The following ZBTB11 variants were observed in gnomAD, a reference collection of about 807,000 sequenced individuals.
ZBTB11 encodes zinc finger and BTB domain-containing protein 11.
A neutral mutation model predicts 113.1 loss-of-function variants in ZBTB11; 68 were observed. That is an observed-to-expected ratio of 0.60 (90% CI 0.49 to 0.74). ZBTB11 has a LOEUF of 0.74. Ranked by LOEUF, ZBTB11 falls within the 30% of genes least tolerant of loss-of-function variation. The pLI is 0.00. For missense variants in ZBTB11, 1,104 were observed against 1,279.4 expected, an observed-to-expected ratio of 0.86 and a Z score of 2.09; for synonymous variants, 518 against 452.6, an observed-to-expected ratio of 1.14 and a Z score of -1.83.
chr3:101,673,926 A>G (rs958660046), intron 1 of ZBTB11, among the ~76,000 whole-genome samples: 1 of 152,192 alleles, frequency 6.6e-6, no homozygotes, highest in Non-Finnish European at 1.5e-5. Context: ...AAATTCAGAA[A>G]AATTTTAGCT....
intron 5 of ZBTB11, chr3:101,662,155 C>T (rs576232181): frequency 2.0e-5 from 3 of 151,984 alleles, no homozygotes; most frequent in East Asian, 1.9e-4. Flanking sequence ...TAACTAACTT[C>T]GGGCCAGCCA....
chr3:101,666,335 A>G (rs1366810916), intron 3 of ZBTB11, among the ~76,000 whole-genome samples: 1 of 152,250 alleles, frequency 6.6e-6, no homozygotes. Flanking sequence ...GAGTAAGATA[A>G]TAAACATTGC....
chr3:101,676,834 G>T lies in ZBTB11; in HGVS notation c.81C>A (p.Gly27=). 1 of 1,612,132 alleles carries T rather than the reference G, an allele frequency of 6.2e-7. No individual in the cohort carries two copies. The change falls in exon 1 of 11, where the codon GGC becomes GGA. Residue 27 remains glycine, a synonymous_variant. Coordinates refer to ENST00000312938, the MANE Select transcript of ZBTB11 (RefSeq NM_014415.4). ...EREPYAPGTE[G]NVKRKIRKAA... is the part of the protein sequence containing the mutation. ...CTTTTCGGATTTTACGCTTGACATT[G>T]CCCTCGGTGCCCGGCGCATACGGCT...
chr3:101,660,041 T>C lies in ZBTB11; in HGVS notation c.1801-13A>G, dbSNP rs755747557. 3 of 1,603,920 alleles carry C rather than the reference T, an allele frequency of 1.9e-6. No homozygotes were observed. Among genetic ancestry groups the C allele is most frequent in the Non-Finnish European group, 2.6e-6 (3 of 1,173,212 alleles). The stretch of plus-strand genomic sequence containing the variant: ...GTTTTTTACACAACTAAAAGAAAAA[T>C]AAAATTCTCTCTAAATGTATTTCCA... On this transcript the variant is annotated splice_polypyrimidine_tract_variant and intron_variant, in intron 5 of 10. Coordinates refer to ENST00000312938, the MANE Select transcript of ZBTB11 (RefSeq NM_014415.4).
In ZBTB11 at chr3:101,659,784, T is replaced by C. The variant is rs748064067; in HGVS notation, c.2045A>G (p.Gln682Arg). 6.2e-7 allele frequency: 1 copy of C among 1,613,934 alleles called. No homozygotes were observed. Among genetic ancestry groups the C allele is most frequent in the South Asian group, 1.1e-5 (1 of 91,078 alleles). ...KHTGVKPHAC[Q>R]VCGKTFIYKH... The stretch of plus-strand genomic sequence containing the variant: ...GCAAAATAAACGTTATAGCTTTACC[T>C]GGCATGCATGTGGCTTTACACCTGT... The change falls in exon 6 of 11, where the codon CAG (glutamine) becomes CGG (arginine). Residue 682 changes from glutamine (Q) to arginine (R), a missense_variant and splice_region_variant. By Grantham distance (43) the Gln-to-Arg change is conservative. Around this residue, in one of 5 missense-constraint regions of ZBTB11, gnomAD observed 535 missense variants for 518.6 expected, o/e 1.03. Transcript: ENST00000312938.
chr3:101,658,344 G>T (rs995822379), intron 6 of ZBTB11, among the ~76,000 whole-genome samples: 3 of 151,120 alleles, frequency 2.0e-5, no homozygotes, highest in African/African-American at 7.3e-5. Context: ...TCCTGCCTCA[G>T]CCTCCCAAGT....
rs764338540 is a variant in ZBTB11 at position 101,676,618 on chromosome 3, C to G, written c.297G>C (p.Thr99=). 6.6e-7 allele frequency: 1 copy of G among 1,510,662 alleles called. No homozygotes were observed. Among genetic ancestry groups the G allele is most frequent in the South Asian group, 1.3e-5 (1 of 76,490 alleles). 93.6% of individuals were successfully genotyped at this position (1,510,662 alleles called of 1,614,324 possible). Residue 99 remains threonine, a synonymous_variant, in exon 1 of 11, where the codon ACG becomes ACC. Transcript: ENST00000312938. ...RHQTWHYLSK[T]YWWRGILKQV... ...GCTAGGTCTCACCTCGCCACCAGTA[C>G]GTCTTGGACAAGTAGTGCCAGGTCT...
chr3:101,666,633 A>C (rs1937001110), intron 3 of ZBTB11, among the ~76,000 whole-genome samples: 1 of 152,262 alleles, frequency 6.6e-6, no homozygotes, highest in Non-Finnish European at 1.5e-5. Context: ...TATTCACATG[A>C]ATCAAAAATC....
At chr3:101,655,978 A>T (rs1293434496) in intron 7 of ZBTB11, 126 bp downstream of exon 7, 32 of 846,516 alleles carry the variant, frequency 3.8e-5, no homozygotes, top group Non-Finnish European at 5.2e-5. Context: ...TTAATTTAAA[A>T]TACTGTCTCA....
At chr3:101,660,386 T>C (rs1936868015) in intron 5 of ZBTB11, among the ~76,000 whole-genome samples, 1 of 152,236 alleles carries the variant, frequency 6.6e-6, no homozygotes, top group South Asian at 2.1e-4. Flanking sequence ...TTGATGGTCC[T>C]TGGATTTTAT....
At chr3:101,653,228 C>CCTCT (rs763519551) in intron 8 of ZBTB11, among the ~76,000 whole-genome samples, 86 of 152,236 alleles carry the variant, frequency 5.6e-4, no homozygotes, top group Non-Finnish European at 1.0e-3. Flanking sequence ...CTATTTCAAC[C>CCTCT]CTCTCATTCT....
chr3:101,661,328 T>C (rs925635139), intron 5 of ZBTB11, among the ~76,000 whole-genome samples: 9 of 152,058 alleles, frequency 5.9e-5, no homozygotes, highest in Non-Finnish European at 1.2e-4. Context: ...TTCACTATTG[T>C]CTTGATGAAT....
At chr3:101,652,738 C>T in intron 9 of ZBTB11, 42 bp downstream of exon 9, 1 of 1,609,898 alleles carries the variant, frequency 6.2e-7, no homozygotes. Flanking sequence ...TCAGAGTACA[C>T]ACGTTATCAA....
In ZBTB11 at chr3:101,671,334, A is replaced by T. The variant is rs1397313747; in HGVS notation, c.574T>A (p.Ser192Thr). 3 of 1,614,188 alleles carry T rather than the reference A, an allele frequency of 1.9e-6. No individual in the cohort carries two copies. The highest frequency in any genetic ancestry group is 2.5e-6 in the Non-Finnish European group (3 of 1,180,024). Residue 192 changes from serine to threonine, a missense_variant, in exon 3 of 11, where the codon TCT becomes ACT. This residue lies in a region of ZBTB11 where 245 missense variants were observed against 272.5 expected (regional missense o/e 0.90). Transcript: ENST00000312938. The stretch of plus-strand genomic sequence containing the variant: ...ACAGCCTGACAATGTTTTGGAGAAG[A>T]ACGTTTTACCACTCCTTTGGTGTCA... ...FVDTKGVVKR[S>T]SPKHCQAVLK...
chr3:101,676,985 C>A lies in ZBTB11; in HGVS notation c.-71G>T, dbSNP rs1431510937. 5 of 1,467,006 alleles carry A rather than the reference C, an allele frequency of 3.4e-6. No homozygotes were observed. Among genetic ancestry groups the A allele is most frequent in the Non-Finnish European group, 4.5e-6 (5 of 1,104,340 alleles). The allele number at this position is 1,467,006 out of a possible 1,614,324, so 90.9% of individuals were successfully genotyped here. A position where few individuals can be genotyped will look rare whatever the true frequency, so the allele number is the denominator to read the frequency against. On this transcript the variant is annotated 5_prime_UTR_variant, in exon 1 of 11. Transcript: ENST00000312938. ...AAAACGGCCCGCTACCTACGGGCGGCTGCAGGAGGAGCGGCGGCACCGTAG... is the reference window on the plus strand; with the variant it reads ...AAAACGGCCCGCTACCTACGGGCGGATGCAGGAGGAGCGGCGGCACCGTAG...
intron 3 of ZBTB11, among the ~76,000 whole-genome samples, chr3:101,668,331 A>G (rs1937029320): frequency 6.6e-6 from 1 of 152,118 alleles, no homozygotes; most frequent in Non-Finnish European, 1.5e-5. Flanking sequence ...AGTTTATGGT[A>G]TATGTTAAAA....
intron 3 of ZBTB11, among the ~76,000 whole-genome samples, chr3:101,668,378 G>A (rs965735093): frequency 6.6e-6 from 1 of 152,142 alleles, no homozygotes; most frequent in African/African-American, 2.4e-5. Flanking sequence ...CTCACCCCCT[G>A]TAATATCAGT....
Position 101,654,689 on chromosome 3 carries a change from A to AT in ZBTB11, c.2309+14dup, listed in dbSNP as rs1320781381. 6.3e-7 allele frequency: 1 copy of AT among 1,591,698 alleles called. No homozygotes were observed. The highest frequency in any genetic ancestry group is 8.6e-7 in the Non-Finnish European group (1 of 1,165,214). On this transcript the variant is annotated intron_variant, in intron 8 of 10. Transcript: ENST00000312938. ...TAATTAAATTAACTGAATGCCTCAC[A>AT]TATTGAATACTTACTGAGTACAATG...
intron 7 of ZBTB11, among the ~76,000 whole-genome samples, chr3:101,655,421 T>C (rs1936778983): frequency 6.6e-6 from 1 of 152,226 alleles, no homozygotes. Context: ...CTTCATTGGC[T>C]ATTCCCACAT....
Sources: allele counts gnomAD v4.1 joint callset (sites outside exome capture counted in the v4.1 genomes callset), GRCh38; gene constraint gnomAD v4.1.1; regional missense constraint gnomAD v4.1.1; transcripts MANE v1.5; gene names NCBI Gene and HGNC (gene_info 2026-07-23, HGNC 2026-07-21).